Variants in NEB observed in about 807,000 individuals in gnomAD.
NEB encodes nebulin.
In NEB, 512 loss-of-function variants were observed where a neutral mutation model predicts 952.2. The observed-to-expected ratio is 0.54, with a 90% CI of 0.50 to 0.58. NEB has a LOEUF of 0.58. Ranked by LOEUF, NEB falls within the 20% of genes least tolerant of loss-of-function variation. NEB has a pLI of 0.00. For synonymous variants in NEB, 2,900 were observed against 3,149.8 expected (o/e 0.92, Z 2.66); for missense variants, 8,428 against 9,231.1 (o/e 0.91, Z 3.56).
chr2:151,675,663 C>G (rs561088816), intron 34 of NEB, among the ~76,000 whole-genome samples: 1 of 152,118 alleles, frequency 6.6e-6, no homozygotes, highest in South Asian at 2.1e-4. Context: ...GAAACCCTAG[C>G]AAGAATAATA....
At chr2:151,503,714 A>C (rs750685144) in intron 165 of NEB, among the ~76,000 whole-genome samples, 7 of 152,228 alleles carry the variant, frequency 4.6e-5, no homozygotes, top group Non-Finnish European at 1.0e-4. Context: ...AAATTTACCA[A>C]TGAGAAAAAT....
At chr2:151,675,100 C>T (rs531996429) in intron 35 of NEB, among the ~76,000 whole-genome samples, 187 bp downstream of exon 35, 1 of 152,244 alleles carries the variant, frequency 6.6e-6, no homozygotes, top group South Asian at 2.1e-4. Context: ...ATGTTATGTC[C>T]TTTAAAATTG....
Position 151,725,518 on chromosome 2 carries a change from A to G in NEB, c.337T>C (p.Tyr113His). ...TCTGGAGTATCTGTTGTGCTGGCGTATGGCTGTCCTTTTGTTTTCTCAAAC... is the reference window on the plus strand; with the variant it reads ...TCTGGAGTATCTGTTGTGCTGGCGTGTGGCTGTCCTTTTGTTTTCTCAAAC... ...EKFEKTKGQP[Y>H]ASTTDTPELR... is the part of the protein sequence containing the mutation. The change falls in exon 6 of 182, where the codon TAC (tyrosine) becomes CAC (histidine). Residue 113 changes from tyrosine (Y) to histidine (H), a missense_variant. Tyr to His is a moderately conservative substitution (Grantham distance 83). Around this residue, in one of 11 missense-constraint regions of NEB, gnomAD observed 2,851 missense variants for 2,791.5 expected, o/e 1.02. Coordinates refer to ENST00000397345, the MANE Select transcript of NEB (RefSeq NM_001164508.2). 3 of 1,613,718 alleles carry G rather than the reference A, an allele frequency of 1.9e-6. No homozygotes were observed. The highest frequency in any genetic ancestry group is 2.5e-6 in the Non-Finnish European group (3 of 1,179,730).
rs751925793 is a variant in NEB at position 151,527,541 on chromosome 2, C to T, written c.21780G>A (p.Lys7260=). 1 of 1,613,500 alleles carries T rather than the reference C, an allele frequency of 6.2e-7. No homozygotes were observed. The highest frequency in any genetic ancestry group is 1.1e-5 in the South Asian group (1 of 90,936). Residue 7260 remains lysine (K), a synonymous_variant, in exon 147 of 182, where the codon AAG becomes AAA. Coordinates refer to ENST00000397345, the MANE Select transcript of NEB (RefSeq NM_001164508.2). ...GGAAGTCCGGTCGGTCAGGAGTCCA[C>T]TTCCAGTGGGCTTTGTTGGCTTCGT... ...KQYEANKAHW[K]WTPDRPDFLQ... is the part of the protein sequence containing the mutation.
chr2:151,489,952 T>C lies in NEB; in HGVS notation c.25404+19A>G. 6.6e-7 allele frequency: 1 copy of C among 1,520,364 alleles called. No homozygotes were observed. The highest frequency in any genetic ancestry group is 1.4e-5 in the African/African-American group (1 of 73,058). 94.2% of individuals were successfully genotyped at this position (1,520,364 alleles called of 1,614,324 possible). A position where few individuals can be genotyped will look rare whatever the true frequency, so the allele number is the denominator to read the frequency against. On this transcript the variant is annotated intron_variant, in intron 181 of 181. Transcript: ENST00000397345. ...AAAAATTAAGAATAATTTATTTAAG[T>C]GAGTTGTTATTCACTTACTCCAGCA... is the stretch of plus-strand genomic sequence containing the variant.
rs757331071 is a variant in NEB, at chr2:151,690,710, T to A, written c.2310+17A>T. ...GCACTCTGGGTCACCCACGCTTGCA[T>A]AAATCAAAGCACTTACATCACTAAG... is the stretch of plus-strand genomic sequence containing the variant. On this transcript the variant is annotated intron_variant, in intron 24 of 181. Transcript: ENST00000397345. 6.4e-6 allele frequency: 10 copies of A among 1,558,216 alleles called. No individual in the cohort carries two copies. The highest frequency in any genetic ancestry group is 7.0e-6 in the Non-Finnish European group (8 of 1,145,426).
chr2:151,623,608 G>A (rs2098459242), intron 71 of NEB, among the ~76,000 whole-genome samples: 1 of 151,886 alleles, frequency 6.6e-6, no homozygotes, highest in South Asian at 2.1e-4. Context: ...TTTATAAAGT[G>A]GATTATTAAG....
At chr2:151,691,069 T>C (rs1177582202) in intron 23 of NEB, among the ~76,000 whole-genome samples, 2 of 152,170 alleles carry the variant, frequency 1.3e-5, no homozygotes, top group African/African-American at 4.8e-5. Context: ...CTTACCCTGC[T>C]GAAGCCTTAC....
chr2:151,662,060 A>G, intron 46 of NEB, 75 bp downstream of exon 46: 1 of 1,342,642 alleles, frequency 7.4e-7, no homozygotes, highest in Non-Finnish European at 1.0e-6. Context: ...TATTAGCAAA[A>G]CCTGTGGATT....
intron 165 of NEB, 30 bp from the exon 166 acceptor site, chr2:151,503,471 G>T: frequency 6.8e-7 from 1 of 1,480,168 alleles, no homozygotes; most frequent in Non-Finnish European, 9.4e-7. Flanking sequence ...TACCCAGAAA[G>T]GTAAAATGAC....
At chr2:151,634,318 G>A (rs1032179411) in intron 64 of NEB, among the ~76,000 whole-genome samples, 1 of 152,144 alleles carries the variant, frequency 6.6e-6, no homozygotes, top group Non-Finnish European at 1.5e-5. Context: ...GTCAGGAAGA[G>A]GGTGCACTTG....
Position 151,677,754 on chromosome 2 carries a change from G to A in NEB, c.3585C>T (p.Asp1195=), listed in dbSNP as rs773399820. 6.2e-7 allele frequency: 1 copy of A among 1,613,990 alleles called. No homozygotes were observed. The highest frequency in any genetic ancestry group is 8.5e-7 in the Non-Finnish European group (1 of 1,179,882). Residue 1195 remains aspartate, a synonymous_variant, in exon 34 of 182, where the codon GAC becomes GAT. Transcript: ENST00000397345. ...CAATGCCTTTCATCCAGTTGTTGTA[G>A]TCTTCCTTGTAGACGTTCTACAGCA... ...QIQSDNVYKE[D]YNNWMKGIGW...
chr2:151,695,733 A>C, intron 17 of NEB, 51 bp from the exon 18 acceptor site: 1 of 1,373,838 alleles, frequency 7.3e-7, no homozygotes, highest in South Asian at 1.2e-5. Flanking sequence ...CCAGAATACA[A>C]AAATTCTTGT....
chr2:151,693,832 T>C (rs1294919033), intron 20 of NEB, among the ~76,000 whole-genome samples: 1 of 152,178 alleles, frequency 6.6e-6, no homozygotes, highest in Non-Finnish European at 1.5e-5. Flanking sequence ...TAAAATAAGA[T>C]CAATATTCTA....
intron 142 of NEB, 89 bp from the exon 143 acceptor site, chr2:151,533,635 G>C (rs934739750): frequency 1.3e-6 from 1 of 793,708 alleles, no homozygotes; most frequent in South Asian, 1.6e-5. Flanking sequence ...TCTGAGTGAA[G>C]AGATGTAGGC....
rs1259953317 is a variant in NEB at position 151,510,108 on chromosome 2, C to T, written c.23347-1999G>A. 2.6e-5 allele frequency among the ~76,000 whole-genome samples: 4 copies of T among 152,126 alleles called. No individual in the cohort carries two copies. In the East Asian group the frequency reaches 7.7e-4, roughly 29 times the overall value. On this transcript the variant is annotated intron_variant, in intron 161 of 181. Transcript: ENST00000397345. ...GAGTTCTGAAGACCTTCCTCTGGAG[C>T]CTCAGTAAATTTACTTAATTTAAAT...
At position 151,611,007 on chromosome 2, in the gene NEB, G is replaced by T. The variant is rs1431610454; in HGVS notation, c.11806-141C>A. ...TAGCTCCTTCTAATGCTTTTGGGAG[G>T]TGAGGGAAGCAAAAGAGTCATGGGG... On this transcript the variant is annotated intron_variant, in intron 78 of 181. Coordinates refer to ENST00000397345, the MANE Select transcript of NEB (RefSeq NM_001164508.2). 7.2e-6 allele frequency: 4 copies of T among 552,976 alleles called. No individual in the cohort carries two copies. The African/African-American group carries it at 7.5e-5, about 10-fold the overall frequency. 34.3% of individuals were successfully genotyped at this position (552,976 alleles called of 1,614,324 possible).
At chr2:151,498,094 A>T in intron 170 of NEB, 166 bp downstream of exon 170, 1 of 1,472,638 alleles carries the variant, frequency 6.8e-7, no homozygotes. Flanking sequence ...TGAAGTAAAA[A>T]ATTGACATTA....
At chr2:151,663,250 T>C (rs1415431303) in intron 45 of NEB, among the ~76,000 whole-genome samples, 1 of 152,192 alleles carries the variant, frequency 6.6e-6, no homozygotes, top group Non-Finnish European at 1.5e-5. Context: ...CTTTTGACCA[T>C]CTTTGCTAGA....
Sources: gnomAD v4.1 joint callset for allele counts (sites outside exome capture counted in the v4.1 genomes callset) on GRCh38, gnomAD v4.1.1 for gene constraint, gnomAD v4.1.1 regional missense constraint, MANE v1.5 for transcripts, NCBI Gene and HGNC (gene_info 2026-07-23, HGNC 2026-07-21) for gene names.